The following C2CD3 variants were observed in gnomAD, a reference collection of about 807,000 sequenced individuals.
The protein encoded by C2CD3 is C2 domain-containing protein 3.
Under a neutral mutation model 234.0 loss-of-function variants are expected in C2CD3, and 148 were observed. That is an observed-to-expected ratio of 0.63 (90% confidence interval 0.55 to 0.72). The LOEUF is 0.72. Among genes scored for constraint, C2CD3 ranks in the 30% least tolerant of loss-of-function variants. The probability of loss-of-function intolerance (pLI) is 0.00; values close to 1 mark genes in which losing one functional copy is unlikely to be tolerated. For missense variants in C2CD3, 2,577 were observed against 2,811.5 expected (o/e 0.92, Z 1.89); for synonymous variants, 1,000 against 1,035.4 (o/e 0.97, Z 0.66).
chr11:74,090,986 T>G, intron 19 of C2CD3, 50 bp from the exon 20 acceptor site: 2 of 1,601,878 alleles, frequency 1.2e-6, no homozygotes, highest in Non-Finnish European at 8.5e-7. Context: ...GAATCTCTGT[T>G]CCACCAAACC....
Position 74,106,427 on chromosome 11 carries a change from T to C in C2CD3, c.2029A>G (p.Ser677Gly), listed in dbSNP as rs1590817653. The C allele has an allele frequency of 1.9e-6, 3 of 1,614,068 alleles. No homozygotes were observed. In the South Asian group the frequency reaches 3.3e-5, roughly 18 times the overall value. ...TCTTGTTGCACTGGAAGCTGATCAC[T>C]GAAAGAAAGCAGCTCTGATTGAATG... ...AVIQSELLSF[S>G]DQLPVQQENG... The change falls in exon 13 of 33, where the codon AGT becomes GGT. Residue 677 changes from serine (S) to glycine (G), a missense_variant. By Grantham distance (56) the Ser-to-Gly change is moderately conservative. Coordinates refer to ENST00000334126, the MANE Select transcript of C2CD3 (RefSeq NM_001286577.2).
At chr11:74,129,976 A>C (rs1957589078) in intron 7 of C2CD3, 1 of 4,712 alleles carries the variant, frequency 2.1e-4, no homozygotes, top group Non-Finnish European at 3.3e-4. Flanking sequence ...CGGCAGGCTG[A>C]GGCAGGAGAA....
intron 5 of C2CD3, among the ~76,000 whole-genome samples, chr11:74,137,734 A>G (rs1957915534): frequency 6.6e-6 from 1 of 151,668 alleles, no homozygotes; most frequent in Admixed American, 6.6e-5. Context: ...ACAGGCACCT[A>G]CCACAACACC....
At position 74,116,985 on chromosome 11, in the gene C2CD3, C is replaced by T. The variant is rs373631164; in HGVS notation, c.1520+1243G>A. ...ATATACACATATACACGTATATATA[C>T]ACATATACGTGTATATGTATATATA... On this transcript the variant is annotated intron_variant, in intron 9 of 32. Transcript: ENST00000334126. Among the ~76,000 whole-genome samples the T allele has an allele frequency of 3.9e-3, 377 of 97,776 alleles. 19 individuals are homozygous for T. Among genetic ancestry groups the T allele is most frequent in the African/African-American group, 0.015 (308 of 20,568 alleles). 64.1% of individuals were successfully genotyped at this position (97,776 alleles called of 152,430 possible).
chr11:74,049,214 G>T, intron 27 of C2CD3, 123 bp downstream of exon 27: 2 of 771,796 alleles, frequency 2.6e-6, no homozygotes, highest in Non-Finnish European at 4.2e-6. Context: ...TCAGGAGGTT[G>T]TTATGAGACA....
chr11:74,042,856 C>T (rs1953141457), intron 28 of C2CD3, among the ~76,000 whole-genome samples: 1 of 152,148 alleles, frequency 6.6e-6, no homozygotes, highest in African/African-American at 2.4e-5. Context: ...ATATGCCAAG[C>T]CCTGCTGTAA....
At chr11:74,110,082 A>AAAAT (rs56925936) in intron 11 of C2CD3, among the ~76,000 whole-genome samples, 35,261 of 144,388 alleles carry the variant, frequency 0.24, 4,963 homozygotes, top group African/African-American at 0.37. Flanking sequence ...CTCTGTCTCA[A>AAAAT]AAATAAATAA....
At chr11:74,158,486 G>A (rs944624435) in intron 3 of C2CD3, among the ~76,000 whole-genome samples, 2 of 152,112 alleles carry the variant, frequency 1.3e-5, no homozygotes, top group African/African-American at 4.8e-5. Flanking sequence ...ACTTTGGGAG[G>A]CCAAGGCGGG....
rs563557497 is a variant in C2CD3, at chr11:74,112,101, A to C, written c.1843+1679T>G. Among the ~76,000 whole-genome samples, 77 of 152,332 alleles carry C rather than the reference A, an allele frequency of 5.1e-4. No homozygotes were observed. The South Asian group carries it at 0.016, about 31-fold the overall frequency. On this transcript the variant is annotated intron_variant, in intron 11 of 32. Transcript: ENST00000334126. ...ACCATGTGAATGGATTATCTATTTC[A>C]AAAAGGAAACAAAACAAAGCAAAGT...
chr11:74,031,707 T>C (rs1484328778), intron 31 of C2CD3, among the ~76,000 whole-genome samples: 1 of 152,200 alleles, frequency 6.6e-6, no homozygotes, highest in Non-Finnish European at 1.5e-5. Flanking sequence ...TGGCACGATT[T>C]ATTTTTGAAA....
chr11:74,055,752 T>C (rs902894966), intron 25 of C2CD3, among the ~76,000 whole-genome samples: 1 of 152,216 alleles, frequency 6.6e-6, no homozygotes, highest in African/African-American at 2.4e-5. Context: ...GAAACAATTT[T>C]GTGATAAAGG....
intron 32 of C2CD3, among the ~76,000 whole-genome samples, chr11:74,018,544 T>C (rs1951959342): frequency 1.3e-5 from 2 of 152,322 alleles, no homozygotes; most frequent in South Asian, 2.1e-4. Flanking sequence ...TCTGGCTGGC[T>C]AGGTGGACCT....
At chr11:74,082,828 G>T (rs1188606312) in intron 22 of C2CD3, among the ~76,000 whole-genome samples, 1 of 152,194 alleles carries the variant, frequency 6.6e-6, no homozygotes, top group Non-Finnish European at 1.5e-5. Flanking sequence ...CATGCTCATG[G>T]ATAGGAAGAA....
intron 9 of C2CD3, among the ~76,000 whole-genome samples, chr11:74,117,361 A>AATATATATAT (rs71469494): frequency 0.054 from 5,049 of 94,354 alleles, 219 homozygotes; most frequent in Middle Eastern, 0.084. Context: ...TTTGGCCTCA[A>AATATATATAT]ATATATATAT....
At chr11:74,170,382 T>A (rs986842910) in intron 1 of C2CD3, among the ~76,000 whole-genome samples, 15 of 152,180 alleles carry the variant, frequency 9.9e-5, no homozygotes, top group African/African-American at 3.6e-4. Context: ...AATGATATAA[T>A]CCCTTTGCCA....
chr11:74,142,553 G>T (rs373943443), intron 3 of C2CD3, among the ~76,000 whole-genome samples: 52 of 152,206 alleles, frequency 3.4e-4, no homozygotes, highest in African/African-American at 1.2e-3. Flanking sequence ...AGGTGGTATG[G>T]GAATGCTAAG....
chr11:74,111,953 C>T (rs1406251025), intron 11 of C2CD3, among the ~76,000 whole-genome samples: 1 of 146,164 alleles, frequency 6.8e-6, no homozygotes, highest in African/African-American at 2.5e-5. Flanking sequence ...CACACACACA[C>T]ACACACACAC....
At chr11:74,088,639 G>C (rs1320180627) in intron 20 of C2CD3, among the ~76,000 whole-genome samples, 3 of 152,182 alleles carry the variant, frequency 2.0e-5, no homozygotes, top group Admixed American at 6.5e-5. Flanking sequence ...GATCTACTGA[G>C]TATCTAAATT....
intron 28 of C2CD3, among the ~76,000 whole-genome samples, chr11:74,047,735 G>A (rs1216748200): frequency 6.6e-6 from 1 of 152,204 alleles, no homozygotes; most frequent in Non-Finnish European, 1.5e-5. Context: ...CTGTAAAGAG[G>A]TAGAATGGAA....
Sources: allele counts gnomAD v4.1 joint callset (sites outside exome capture counted in the v4.1 genomes callset), GRCh38; gene constraint gnomAD v4.1.1; transcripts MANE v1.5; gene names NCBI Gene and HGNC (gene_info 2026-07-23, HGNC 2026-07-21).